Variants in ZNFX1 observed in about 807,000 individuals in gnomAD.
ZNFX1 encodes the protein zinc finger NFX1-type containing 1.
Under a neutral mutation model 179.8 loss-of-function variants are expected in ZNFX1, and 78 were observed. The observed-to-expected ratio is 0.43, with a 90% CI of 0.36 to 0.52. The LOEUF is 0.52. Among genes scored for constraint, ZNFX1 ranks in the 20% least tolerant of loss-of-function variants. ZNFX1 has a pLI of 0.00. For missense variants in ZNFX1, 1,927 were observed against 2,386.6 expected (o/e 0.81, Z 4.01); for synonymous variants, 848 against 868.5 (o/e 0.98, Z 0.42).
intron 13 of ZNFX1, 107 bp from the exon 14 acceptor site, chr20:49,249,818 T>C: frequency 7.8e-7 from 1 of 1,274,940 alleles, no homozygotes; most frequent in Non-Finnish European, 1.1e-6. Flanking sequence ...GAGAGAGACC[T>C]TGGAAAGCTT....
At position 49,248,797 on chromosome 20, in the gene ZNFX1, C is replaced by A; in HGVS notation, c.4227G>T (p.Gly1409=). 1 of 1,614,186 alleles carries A rather than the reference C, an allele frequency of 6.2e-7. No individual in the cohort carries two copies. Among genetic ancestry groups the A allele is most frequent in the Non-Finnish European group, 8.5e-7 (1 of 1,180,036 alleles). The part of the protein sequence containing the change: ...SEMVTIKLKC[G]HSQPVKCGHV... ...GACCACATTTTACCGGTTGACTGTG[C>A]CCACACTTGAGTTTTATGGTGACCA... is the stretch of plus-strand genomic sequence containing the variant. The change falls in exon 14 of 14, where the codon GGG becomes GGT. Residue 1409 remains glycine (G), a synonymous_variant. Coordinates refer to ENST00000396105, the MANE Select transcript of ZNFX1 (RefSeq NM_021035.3). This position sits in a 1 kb window ranked among gnomAD's most constrained non-coding sequence, Gnocchi z 4.6.
chr20:49,254,585 G>C lies in ZNFX1; in HGVS notation c.2869C>G (p.Arg957Gly). ...RKILSYERQY[R>G]TSAERMAELR... ...TCGGCCATTCTTTCTGCTGATGTGC[G>C]GTACTGGCGTTCATAGCTGAGGATC... Residue 957 changes from arginine (R) to glycine (G), a missense_variant, in exon 10 of 14, where the codon CGC becomes GGC. By Grantham distance (125) the Arg-to-Gly change is moderately radical (BLOSUM62 -2). Transcript: ENST00000396105. The C allele has an allele frequency of 6.2e-7, 1 of 1,614,144 alleles. No individual in the cohort carries two copies. Among genetic ancestry groups the C allele is most frequent in the Non-Finnish European group, 8.5e-7 (1 of 1,180,036 alleles).
chr20:49,247,198 G>A lies in ZNFX1; in HGVS notation c.*69C>T, dbSNP rs1424904935. ...GGATGATAATAAAAAACAAACTTCA[G>A]TTCCTTCATTAGGGAGCTGGCCCCA... is the stretch of plus-strand genomic sequence containing the variant. On this transcript the variant is annotated 3_prime_UTR_variant, in exon 14 of 14. Coordinates refer to ENST00000396105, the MANE Select transcript of ZNFX1 (RefSeq NM_021035.3). The A allele has an allele frequency of 9.8e-6, 15 of 1,525,996 alleles. No homozygotes were observed. Among genetic ancestry groups the A allele is most frequent in the Non-Finnish European group, 1.3e-5 (15 of 1,137,850 alleles). The allele number at this position is 1,525,996 out of a possible 1,614,324, so 94.5% of individuals were successfully genotyped here. A position where few individuals can be genotyped will look rare whatever the true frequency, so the allele number is the denominator to read the frequency against.
At position 49,248,088 on chromosome 20, in the gene ZNFX1, T is replaced by G. The variant is rs1166223120; in HGVS notation, c.4936A>C (p.Ile1646Leu). ...GCTGAGCCCTGGATCTTTTCCTTGATGATTTCAATCTCTTCTAGCCGCTGT... is the reference window on the plus strand; with the variant it reads ...GCTGAGCCCTGGATCTTTTCCTTGAGGATTTCAATCTCTTCTAGCCGCTGT... ...IKQRLEEIEI[I>L]KEKIQGSAGE... Residue 1646 changes from isoleucine (I) to leucine (L), a missense_variant, in exon 14 of 14, where the codon ATC (isoleucine) becomes CTC (leucine). Transcript: ENST00000396105. The surrounding 1 kb of genome is among the most constrained non-coding windows in gnomAD (Gnocchi z 4.6). 6.2e-7 allele frequency: 1 copy of G among 1,614,236 alleles called. No homozygotes were observed. The highest frequency in any genetic ancestry group is 1.3e-5 in the African/African-American group (1 of 75,064).
At chr20:49,269,390 A>G (rs1036570692) in intron 3 of ZNFX1, among the ~76,000 whole-genome samples, 3 of 152,096 alleles carry the variant, frequency 2.0e-5, no homozygotes, top group African/African-American at 7.2e-5. Flanking sequence ...TCTAAAAACT[A>G]CCTATCAAGG....
Position 49,249,711 on chromosome 20 carries a change from CCT to C in ZNFX1, c.3313-2_3313-1del. 6.2e-7 allele frequency: 1 copy of C among 1,605,560 alleles called. No homozygotes were observed. The highest frequency in any genetic ancestry group is 8.5e-7 in the Non-Finnish European group (1 of 1,174,722). On this transcript the variant is annotated splice_acceptor_variant, in intron 13 of 13. Coordinates refer to ENST00000396105, the MANE Select transcript of ZNFX1 (RefSeq NM_021035.3). LOFTEE classifies it high-confidence loss of function. ...ACAAAGAAAAGGTTGGAAGACACCCCCTGACAGGGAAAAGAAGTGACATGTTA... is the reference window on the plus strand; with the variant it reads ...ACAAAGAAAAGGTTGGAAGACACCCCGACAGGGAAAAGAAGTGACATGTTA...
rs533773286 is a variant in ZNFX1 at position 49,249,055 on chromosome 20, C to T, written c.3969G>A (p.Gln1323=). ...HKEFQCMKPC[Q]KVICQEGHRC... is the part of the protein sequence containing the mutation. ...GGTGCCCTTCCTGACAGATGACCTT[C>T]TGGCATGGCTTCATGCATTGGAACT... Residue 1323 remains glutamine, a synonymous_variant, in exon 14 of 14, where the codon CAG becomes CAA. Coordinates refer to ENST00000396105, the MANE Select transcript of ZNFX1 (RefSeq NM_021035.3). The T allele has an allele frequency of 7.4e-6, 12 of 1,614,128 alleles. No individual in the cohort carries two copies. Among genetic ancestry groups the T allele is most frequent in the Non-Finnish European group, 1.0e-5 (12 of 1,180,052 alleles).
rs781333274 is a variant in ZNFX1 at position 49,249,598 on chromosome 20, C to T, written c.3426G>A (p.Lys1142=). The T allele has an allele frequency of 2.5e-6, 4 of 1,614,260 alleles. No homozygotes were observed. In the South Asian group the frequency reaches 4.4e-5, roughly 18 times the overall value. ...HEAHFVVELC[K]YFLCQEYLPS... The stretch of plus-strand genomic sequence containing the variant: ...GCAGGTATTCCTGGCACAGGAAGTA[C>T]TTGCACAGCTCTACCACAAAGTGAG... Residue 1142 remains lysine, a synonymous_variant, in exon 14 of 14, where the codon AAG becomes AAA. Transcript: ENST00000396105.
chr20:49,274,905 G>C (rs1281324811), intron 2 of ZNFX1, among the ~76,000 whole-genome samples: 1 of 151,996 alleles, frequency 6.6e-6, no homozygotes, highest in Admixed American at 6.6e-5. Context: ...GGCGGATCAC[G>C]AGGTCAGGAG....
intron 9 of ZNFX1, among the ~76,000 whole-genome samples, chr20:49,255,146 C>A (rs1001816580): frequency 1.3e-5 from 2 of 151,318 alleles, no homozygotes; most frequent in African/African-American, 2.4e-5. Flanking sequence ...CGGGTTCAAG[C>A]GATTCTCCTG....
intron 3 of ZNFX1, among the ~76,000 whole-genome samples, chr20:49,268,097 G>C (rs1013919179): frequency 6.6e-6 from 1 of 151,904 alleles, no homozygotes; most frequent in African/African-American, 2.4e-5. Context: ...GGATGGTCTT[G>C]ATCTCCTGAC....
At position 49,249,214 on chromosome 20, in the gene ZNFX1, G is replaced by A. The variant is rs749690734; in HGVS notation, c.3810C>T (p.Thr1270=). The change falls in exon 14 of 14, where the codon ACC becomes ACT. Residue 1270 remains threonine (T), a synonymous_variant. Transcript: ENST00000396105. ...CAGAAGCTTTGGATACTAAGGTGTG[G>A]GTTTCAGGGTGGTTCTGGCAGCAGA... ...LRLCCQNHPE[T]HTLVSKASDF... is the part of the protein sequence containing the mutation. The A allele has an allele frequency of 6.2e-7, 1 of 1,614,212 alleles. No individual in the cohort carries two copies. Among genetic ancestry groups the A allele is most frequent in the South Asian group, 1.1e-5 (1 of 91,080 alleles).
chr20:49,250,483 T>A (rs1348057878), intron 13 of ZNFX1, among the ~76,000 whole-genome samples: 1 of 152,194 alleles, frequency 6.6e-6, no homozygotes, highest in Non-Finnish European at 1.5e-5. Flanking sequence ...AATTTATTTA[T>A]TTATTTTAAA....
Position 49,254,480 on chromosome 20 carries a change from T to C in ZNFX1, c.2959+15A>G, listed in dbSNP as rs1980919600. The C allele has an allele frequency of 4.3e-6, 7 of 1,612,162 alleles. No homozygotes were observed. The highest frequency in any genetic ancestry group is 5.9e-6 in the Non-Finnish European group (7 of 1,178,536). Reference sequence around the variant, plus strand: ...AACTTAGATGCAACAGGCAAATTTCTCCACAGTTTCTTACCTGTGGTTGTC... The same window carrying C: ...AACTTAGATGCAACAGGCAAATTTCCCCACAGTTTCTTACCTGTGGTTGTC... On this transcript the variant is annotated intron_variant, in intron 10 of 13. Coordinates refer to ENST00000396105, the MANE Select transcript of ZNFX1 (RefSeq NM_021035.3).
In ZNFX1 at chr20:49,247,761, C is replaced by G; in HGVS notation, c.5263G>C (p.Asp1755His). ...AGCCTCTGGATTTCACTTCGGAGGT[C>G]ACTTAGTTCCTGGCTAGTGAAGCTC... Reference protein sequence around the residue: ...RLSFTSQELSDLRSEIQRLTY... With the variant: ...RLSFTSQELSHLRSEIQRLTY... Residue 1755 changes from aspartate (D) to histidine (H), a missense_variant, in exon 14 of 14, where the codon GAC becomes CAC. Coordinates refer to ENST00000396105, the MANE Select transcript of ZNFX1 (RefSeq NM_021035.3). 6.2e-7 allele frequency: 1 copy of G among 1,614,164 alleles called. No individual in the cohort carries two copies. Among genetic ancestry groups the G allele is most frequent in the Non-Finnish European group, 8.5e-7 (1 of 1,180,040 alleles).
rs768883670 is a variant in ZNFX1, at chr20:49,270,255, C to T, written c.1557G>A (p.Leu519=). Residue 519 remains leucine (L), a synonymous_variant, in exon 3 of 14, where the codon CTG becomes CTA. Transcript: ENST00000396105. The surrounding 1 kb of genome is among the most constrained non-coding windows in gnomAD (Gnocchi z 4.6). ...TAYFEAYRHV[L]EGLQEVQEED... ...CCTCCTGGACCTCCTGGAGTCCTTCCAGGACGTGCCTGTAGGCCTCAAAGT... is the reference window on the plus strand; with the variant it reads ...CCTCCTGGACCTCCTGGAGTCCTTCTAGGACGTGCCTGTAGGCCTCAAAGT... 3.1e-6 allele frequency: 5 copies of T among 1,614,076 alleles called. No individual in the cohort carries two copies. The South Asian group carries it at 4.4e-5, about 14-fold the overall frequency.
In ZNFX1 at chr20:49,249,361, C is replaced by G; in HGVS notation, c.3663G>C (p.Leu1221Phe). 3 of 1,614,248 alleles carry G rather than the reference C, an allele frequency of 1.9e-6. No individual in the cohort carries two copies. The highest frequency in any genetic ancestry group is 2.5e-6 in the Non-Finnish European group (3 of 1,180,040). Residue 1221 changes from leucine (L) to phenylalanine (F), a missense_variant, in exon 14 of 14, where the codon TTG becomes TTC. Leu to Phe is a conservative substitution (Grantham distance 22). Transcript: ENST00000396105. ...LQISNRICVA[L>F]SRAKKGMYCI... ...AGTACATTCCCTTCTTGGCTCGGGA[C>G]AAGGCCACACAGATGCGGTTGGATA... is the stretch of plus-strand genomic sequence containing the variant.
In ZNFX1 at chr20:49,275,790, G is replaced by A; in HGVS notation, c.50C>T (p.Thr17Ile). ...HLDARPRNSH[T>I]NHRGPVDGEL... ...GAAACCTTGCTTACCTCTGTGGTTG[G>A]TATGGGAATTCCTGGGCCTGGCATC... Residue 17 changes from threonine (T) to isoleucine (I), a missense_variant, in exon 2 of 14, where the codon ACC (threonine) becomes ATC (isoleucine). Coordinates refer to ENST00000396105, the MANE Select transcript of ZNFX1 (RefSeq NM_021035.3). 1 of 1,614,084 alleles carries A rather than the reference G, an allele frequency of 6.2e-7. No homozygotes were observed. The highest frequency in any genetic ancestry group is 8.5e-7 in the Non-Finnish European group (1 of 1,180,006).
intron 2 of ZNFX1, among the ~76,000 whole-genome samples, chr20:49,273,515 C>T (rs191088243): frequency 6.6e-6 from 1 of 152,128 alleles, no homozygotes; most frequent in African/African-American, 2.4e-5. Context: ...ATAATTGTTA[C>T]TTACATATTT....
Sources: gnomAD v4.1 joint callset for allele counts (sites outside exome capture counted in the v4.1 genomes callset) on GRCh38, gnomAD v4.1.1 for gene constraint, Gnocchi (gnomAD v3.1) non-coding constraint, MANE v1.5 for transcripts, NCBI Gene and HGNC (gene_info 2026-07-23, HGNC 2026-07-21) for gene names.